Variants in HNRNPM observed in about 807,000 individuals in gnomAD.
HNRNPM encodes heterogeneous nuclear ribonucleoprotein M.
In HNRNPM, 11 loss-of-function variants were observed where a neutral mutation model predicts 73.1. That is an observed-to-expected ratio of 0.15 (90% CI 0.09 to 0.25). The LOEUF (loss-of-function observed/expected upper bound fraction) is 0.25. Ranked by LOEUF, HNRNPM falls within the 10% of genes least tolerant of loss-of-function variation. The probability of loss-of-function intolerance (pLI) is 1.00; values close to 1 mark genes in which losing one functional copy is unlikely to be tolerated. For synonymous variants in HNRNPM, 407 were observed against 355.2 expected, an observed-to-expected ratio of 1.15 and a Z score of -1.64; for missense variants, 789 against 1,067.9, an observed-to-expected ratio of 0.74 and a Z score of 3.64.
At chr19:8,450,016 G>C (rs770566246) in intron 1 of HNRNPM, among the ~76,000 whole-genome samples, 3 of 152,192 alleles carry the variant, frequency 2.0e-5, no homozygotes, top group Non-Finnish European at 4.4e-5. Context: ...CATGCATACA[G>C]GTTGCGCTGG....
chr19:8,469,887 T>C (rs1317921709), intron 9 of HNRNPM, among the ~76,000 whole-genome samples: 1 of 152,280 alleles, frequency 6.6e-6, no homozygotes, highest in Admixed American at 6.5e-5. Flanking sequence ...CGTAGCATTA[T>C]GGCAGCATGA....
At position 8,462,791 on chromosome 19, in the gene HNRNPM, TTC is replaced by T. The variant is rs1249460207; in HGVS notation, c.336+212_336+213del. On this transcript the variant is annotated intron_variant, in intron 3 of 15. Coordinates refer to ENST00000325495, the MANE Select transcript of HNRNPM (RefSeq NM_005968.5). The surrounding 1 kb of genome is among the most constrained non-coding windows in gnomAD (Gnocchi z 4.5). The stretch of plus-strand genomic sequence containing the variant: ...TGGCTGGCCAAAGAGCTTTTTGGTA[TTC>T]TGTTTGGATGCCCAATTTGGATAAC... 2.0e-5 allele frequency among the ~76,000 whole-genome samples: 3 copies of T among 152,180 alleles called. No homozygotes were observed. Among genetic ancestry groups the T allele is most frequent in the African/African-American group, 4.8e-5 (2 of 41,432 alleles).
rs746842195 is a variant in HNRNPM at position 8,476,566 on chromosome 19, TAA to T, written c.1120+2334_1120+2335del. On this transcript the variant is annotated intron_variant, in intron 12 of 15. Coordinates refer to ENST00000325495, the MANE Select transcript of HNRNPM (RefSeq NM_005968.5). ...AATCCCAGCGCATTGAGATTAATGT[TAA>T]AAAAAAAAAAAGAGAGATTGTTAAA... Among the ~76,000 whole-genome samples, 18 of 38,996 alleles carry T rather than the reference TAA, an allele frequency of 4.6e-4. No individual in the cohort carries two copies. In the East Asian group the frequency reaches 0.044, roughly 95 times the overall value. The allele number at this position is 38,996 out of a possible 152,430, so 25.6% of individuals were successfully genotyped here.
At chr19:8,459,571 A>G (rs189385259) in intron 2 of HNRNPM, among the ~76,000 whole-genome samples, 2 of 151,798 alleles carry the variant, frequency 1.3e-5, no homozygotes, top group East Asian at 3.9e-4. Flanking sequence ...AGTCCCCCCA[A>G]CTCCTGTTAA....
chr19:8,466,438 G>T lies in HNRNPM; in HGVS notation c.784+50G>T, dbSNP rs760115114. On this transcript the variant is annotated intron_variant, in intron 7 of 15. Transcript: ENST00000325495. ...TATGAACAGTTTGACCTAAATTGCT[G>T]TGTTAGTAATGTAGGTTTGTGTGAG... 8 of 1,573,444 alleles carry T rather than the reference G, an allele frequency of 5.1e-6. No individual in the cohort carries two copies. The South Asian group carries it at 8.9e-5, about 17-fold the overall frequency.
chr19:8,486,435 G>T (rs747250464), intron 14 of HNRNPM, 30 bp downstream of exon 14: 1 of 1,529,792 alleles, frequency 6.5e-7, no homozygotes, highest in Admixed American at 2.0e-5. Context: ...CTTCTTGGTG[G>T]TGGTGAGCAT....
chr19:8,455,944 C>CTTTTTT (rs369296420), intron 2 of HNRNPM, among the ~76,000 whole-genome samples: 1 of 134,506 alleles, frequency 7.4e-6, no homozygotes, highest in Admixed American at 7.6e-5. Flanking sequence ...CCTTTCTTTC[C>CTTTTTT]TTTTTTTTTT....
chr19:8,470,255 G>A (rs564988026), intron 9 of HNRNPM, among the ~76,000 whole-genome samples: 10 of 152,244 alleles, frequency 6.6e-5, no homozygotes, highest in Non-Finnish European at 1.5e-4. Context: ...TTCATCAGAT[G>A]AAACGCCTGG....
chr19:8,484,453 A>T (rs983831335), intron 13 of HNRNPM, among the ~76,000 whole-genome samples: 2 of 152,050 alleles, frequency 1.3e-5, no homozygotes, highest in South Asian at 4.2e-4. Flanking sequence ...GATTACAGGC[A>T]TGAGCCACCA....
chr19:8,463,828 A>T, intron 5 of HNRNPM, 142 bp downstream of exon 5: 1 of 624,848 alleles, frequency 1.6e-6, no homozygotes, highest in Non-Finnish European at 2.8e-6. Context: ...AGTGTCGGTC[A>T]TAGCCTACAG....
At chr19:8,480,472 C>T (rs1970835072) in intron 12 of HNRNPM, among the ~76,000 whole-genome samples, 1 of 151,894 alleles carries the variant, frequency 6.6e-6, no homozygotes. Flanking sequence ...TGAGACCAGC[C>T]TGGCCAACAT....
intron 2 of HNRNPM, among the ~76,000 whole-genome samples, chr19:8,459,563 TCCC>T (rs1243174427): frequency 2.0e-5 from 3 of 151,902 alleles, no homozygotes; most frequent in Non-Finnish European, 4.4e-5. Flanking sequence ...GACTTTCAAG[TCCC>T]CCCAACTCCT....
At chr19:8,447,692 C>T (rs893818000) in intron 1 of HNRNPM, among the ~76,000 whole-genome samples, 1 of 151,992 alleles carries the variant, frequency 6.6e-6, no homozygotes, top group African/African-American at 2.4e-5. Context: ...CAAGACCAGC[C>T]TGGGCAACAT....
chr19:8,482,256 G>A (rs1006939796), intron 12 of HNRNPM, among the ~76,000 whole-genome samples: 9 of 152,162 alleles, frequency 5.9e-5, no homozygotes, highest in African/African-American at 2.2e-4. Context: ...TGCGCGGCCG[G>A]GGGACAGGTT....
chr19:8,487,126 C>G (rs375259483), intron 15 of HNRNPM, 51 bp downstream of exon 15: 1 of 1,499,936 alleles, frequency 6.7e-7, no homozygotes, highest in East Asian at 2.3e-5. Context: ...TTGTTGGTGA[C>G]GCAGCCGAGT....
At chr19:8,487,784 GC>G (rs1971417885) in intron 15 of HNRNPM, 1 of 152,486 alleles carries the variant, frequency 6.6e-6, no homozygotes. Flanking sequence ...CTTGGGGCAA[GC>G]CGTTGAGTCA....
At chr19:8,468,706 C>T in intron 8 of HNRNPM, 68 bp from the exon 9 acceptor site, 3 of 1,191,366 alleles carry the variant, frequency 2.5e-6, no homozygotes, top group South Asian at 2.4e-5. Flanking sequence ...GGGGCCATTT[C>T]AGTCTTTTGC....
At chr19:8,470,496 T>A (rs1970054082) in intron 9 of HNRNPM, among the ~76,000 whole-genome samples, 1 of 151,174 alleles carries the variant, frequency 6.6e-6, no homozygotes, top group Non-Finnish European at 1.5e-5. Context: ...AGGCTAATTT[T>A]TTTTTTTTTT....
At chr19:8,474,550 T>C (rs1970373299) in intron 12 of HNRNPM, among the ~76,000 whole-genome samples, 1 of 152,124 alleles carries the variant, frequency 6.6e-6, no homozygotes, top group Non-Finnish European at 1.5e-5. Flanking sequence ...TTCTTTAAAG[T>C]TTGTAATCAA....
Sources: allele counts gnomAD v4.1 joint callset (sites outside exome capture counted in the v4.1 genomes callset), GRCh38; gene constraint gnomAD v4.1.1; non-coding constraint Gnocchi (gnomAD v3.1); transcripts MANE v1.5; gene names NCBI Gene and HGNC (gene_info 2026-07-23, HGNC 2026-07-21).